Variants in H2BC13 observed in about 807,000 individuals in gnomAD.
The protein encoded by H2BC13 is histone H2B type 1-L.
H2BC13 carries 12 observed loss-of-function variants against 6.3 expected under a neutral mutation model. The observed-to-expected ratio is 1.90, with a 90% CI of 1.22 to 3.08. The LOEUF is 3.08. Ranked by LOEUF, H2BC13 falls within the 30% of genes most tolerant of loss-of-function variation. H2BC13 has a pLI of 0.00. For missense variants in H2BC13, 164 were observed against 170.4 expected, an observed-to-expected ratio of 0.96 and a Z score of 0.21; for synonymous variants, 109 against 74.3, an observed-to-expected ratio of 1.47 and a Z score of -2.40.
Position 27,807,875 on chromosome 6 carries a change from G to C in H2BC13, c.32C>G (p.Pro11Arg), listed in dbSNP as rs1760471232. 2 of 1,614,052 alleles carry C rather than the reference G, an allele frequency of 1.2e-6. No individual in the cohort carries two copies. The highest frequency in any genetic ancestry group is 2.2e-5 in the East Asian group (1 of 44,888). The change falls in exon 1 of 1, where the codon CCG (proline) becomes CGG (arginine). Residue 11 changes from proline to arginine, a missense_variant. Transcript: ENST00000377401. ...CACCGCCTTCTTGGAGCCCTTCTTCGGGGCGGGAGCAGACTTGGCCAGCTC... is the reference window on the plus strand; with the variant it reads ...CACCGCCTTCTTGGAGCCCTTCTTCCGGGCGGGAGCAGACTTGGCCAGCTC... MPELAKSAPA[P>R]KKGSKKAVTK...
In H2BC13 at chr6:27,807,489, T is replaced by C. The variant is rs1441572946; in HGVS notation, c.*37A>G. ...TTCTTTAGATAATAGTGAGTGGCTCTGAAAAGAGCCTTTGGGTTGGACAAG... is the reference window on the plus strand; with the variant it reads ...TTCTTTAGATAATAGTGAGTGGCTCCGAAAAGAGCCTTTGGGTTGGACAAG... On this transcript the variant is annotated 3_prime_UTR_variant, in exon 1 of 1. Transcript: ENST00000377401. 1 of 1,609,380 alleles carries C rather than the reference T, an allele frequency of 6.2e-7. No individual in the cohort carries two copies. Among genetic ancestry groups the C allele is most frequent in the South Asian group, 1.1e-5 (1 of 90,672 alleles).
chr6:27,807,705 T>G lies in H2BC13; in HGVS notation c.202A>C (p.Asn68His). 1 of 1,614,206 alleles carries G rather than the reference T, an allele frequency of 6.2e-7. No homozygotes were observed. Among genetic ancestry groups the G allele is most frequent in the South Asian group, 1.1e-5 (1 of 91,086 alleles). The change falls in exon 1 of 1, where the codon AAC becomes CAC. Residue 68 changes from asparagine to histidine, a missense_variant. By Grantham distance (68) the Asn-to-His change is moderately conservative (BLOSUM62 1). Coordinates refer to ENST00000377401, the MANE Select transcript of H2BC13 (RefSeq NM_003519.4). ...CTTGCGATGCGCTCGAAGATGTCGT[T>G]GACGAAGGAGTTCATGATTCCCATG... ...KAMGIMNSFV[N>H]DIFERIASEA...
In H2BC13 at chr6:27,807,602, A is replaced by C. The variant is rs781029456; in HGVS notation, c.305T>G (p.Leu102Arg). 2 of 1,614,128 alleles carry C rather than the reference A, an allele frequency of 1.2e-6. No homozygotes were observed. Among genetic ancestry groups the C allele is most frequent in the South Asian group, 1.1e-5 (1 of 91,092 alleles). ...GTGCTTGGCCAGCTCCCCCGGAAGC[A>C]GCAGGCGCACGGCGGTCTGGATCTC... ...SREIQTAVRLLLPGELAKHAV... is the reference protein window; with the variant it reads ...SREIQTAVRLRLPGELAKHAV... Residue 102 changes from leucine to arginine, a missense_variant, in exon 1 of 1, where the codon CTG becomes CGG. Leu to Arg is a moderately radical substitution (Grantham distance 102). Transcript: ENST00000377401.
In H2BC13 at chr6:27,807,639, T is replaced by C. The variant is rs1399458470; in HGVS notation, c.268A>G (p.Ile90Val). 1.9e-6 allele frequency: 3 copies of C among 1,614,086 alleles called. No homozygotes were observed. Among genetic ancestry groups the C allele is most frequent in the Non-Finnish European group, 2.5e-6 (3 of 1,180,034 alleles). The change falls in exon 1 of 1, where the codon ATC (isoleucine) becomes GTC (valine). Residue 90 changes from isoleucine to valine, a missense_variant. Transcript: ENST00000377401. Reference protein sequence around the residue: ...RLAHYNKRSTITSREIQTAVR... With the variant: ...RLAHYNKRSTVTSREIQTAVR... ...GCGGTCTGGATCTCCCTGGAGGTGA[T>C]GGTCGAGCGCTTGTTGTAGTGCGCC... is the stretch of plus-strand genomic sequence containing the variant.
At position 27,807,536 on chromosome 6, in the gene H2BC13, C is replaced by T. The variant is rs1353889444; in HGVS notation, c.371G>A (p.Ser124Asn). Residue 124 changes from serine to asparagine, a missense_variant, in exon 1 of 1, where the codon AGC becomes AAC. Physicochemically the swap from Ser to Asn is conservative, Grantham distance 46 (BLOSUM62 1). Transcript: ENST00000377401. ...CAAGAGCTTGAGAATTTACTTGGAGCTGGTGTACTTGGTGACGGCCTTGGT... is the reference window on the plus strand; with the variant it reads ...CAAGAGCTTGAGAATTTACTTGGAGTTGGTGTACTTGGTGACGGCCTTGGT... Reference protein sequence around the residue: ...EGTKAVTKYTSSK With the variant: ...EGTKAVTKYTNSK 1 of 1,614,156 alleles carries T rather than the reference C, an allele frequency of 6.2e-7. No homozygotes were observed. The highest frequency in any genetic ancestry group is 1.1e-5 in the South Asian group (1 of 91,078).
chr6:27,807,490 G>GA lies in H2BC13; in HGVS notation c.*35dup. On this transcript the variant is annotated 3_prime_UTR_variant, in exon 1 of 1. Coordinates refer to ENST00000377401, the MANE Select transcript of H2BC13 (RefSeq NM_003519.4). Reference sequence around the variant, plus strand: ...TCTTTAGATAATAGTGAGTGGCTCTGAAAAGAGCCTTTGGGTTGGACAAGA... The same window carrying GA: ...TCTTTAGATAATAGTGAGTGGCTCTGAAAAAGAGCCTTTGGGTTGGACAAGA... 1 of 1,610,488 alleles carries GA rather than the reference G, an allele frequency of 6.2e-7. No homozygotes were observed. The highest frequency in any genetic ancestry group is 8.5e-7 in the Non-Finnish European group (1 of 1,178,480).
rs780283212 is a variant in H2BC13, at chr6:27,807,789, C to G, written c.118G>C (p.Val40Leu). 2 of 1,614,246 alleles carry G rather than the reference C, an allele frequency of 1.2e-6. No homozygotes were observed. Among genetic ancestry groups the G allele is most frequent in the Non-Finnish European group, 1.7e-6 (2 of 1,180,048 alleles). ...RKRSRKESYS[V>L]YVYKVLKQVH... ...TGCTTCAGCACCTTGTACACGTACA[C>G]GGAGTAGCTCTCCTTGCGGCTGCGC... Residue 40 changes from valine (V) to leucine (L), a missense_variant, in exon 1 of 1, where the codon GTG (valine) becomes CTG (leucine). Val to Leu is a conservative substitution (Grantham distance 32). Transcript: ENST00000377401.
chr6:27,807,708 C>T lies in H2BC13; in HGVS notation c.199G>A (p.Val67Ile). The T allele has an allele frequency of 6.2e-7, 1 of 1,614,220 alleles. No individual in the cohort carries two copies. The highest frequency in any genetic ancestry group is 8.5e-7 in the Non-Finnish European group (1 of 1,180,048). ...GCGATGCGCTCGAAGATGTCGTTGACGAAGGAGTTCATGATTCCCATGGCC... is the reference window on the plus strand; with the variant it reads ...GCGATGCGCTCGAAGATGTCGTTGATGAAGGAGTTCATGATTCCCATGGCC... ...SKAMGIMNSF[V>I]NDIFERIASE... Residue 67 changes from valine (V) to isoleucine (I), a missense_variant, in exon 1 of 1, where the codon GTC (valine) becomes ATC (isoleucine). Transcript: ENST00000377401.
In H2BC13 at chr6:27,807,644, G is replaced by C. The variant is rs1313121675; in HGVS notation, c.263C>G (p.Ser88Trp). 1.2e-6 allele frequency: 2 copies of C among 1,614,236 alleles called. No individual in the cohort carries two copies. Among genetic ancestry groups the C allele is most frequent in the South Asian group, 2.2e-5 (2 of 91,090 alleles). ...ASRLAHYNKR[S>W]TITSREIQTA... The stretch of plus-strand genomic sequence containing the variant: ...CTGGATCTCCCTGGAGGTGATGGTC[G>C]AGCGCTTGTTGTAGTGCGCCAGGCG... Residue 88 changes from serine (S) to tryptophan (W), a missense_variant, in exon 1 of 1, where the codon TCG becomes TGG. Transcript: ENST00000377401.
At position 27,807,734 on chromosome 6, in the gene H2BC13, T is replaced by C. The variant is rs1194773679; in HGVS notation, c.173A>G (p.Lys58Arg). ...QVHPDTGISS[K>R]AMGIMNSFVN... ...GAAGGAGTTCATGATTCCCATGGCC[T>C]TAGAAGAGATGCCGGTGTCGGGGTG... Residue 58 changes from lysine to arginine, a missense_variant, in exon 1 of 1, where the codon AAG becomes AGG. Physicochemically the swap from Lys to Arg is conservative, Grantham distance 26 (BLOSUM62 2). Transcript: ENST00000377401. 1.2e-6 allele frequency: 2 copies of C among 1,614,244 alleles called. No individual in the cohort carries two copies. Among genetic ancestry groups the C allele is most frequent in the South Asian group, 2.2e-5 (2 of 91,084 alleles).
At position 27,807,559 on chromosome 6, in the gene H2BC13, G is replaced by A. The variant is rs1760456328; in HGVS notation, c.348C>T (p.Thr116=). The A allele has an allele frequency of 1.9e-6, 3 of 1,614,178 alleles. No homozygotes were observed. Among genetic ancestry groups the A allele is most frequent in the Non-Finnish European group, 2.5e-6 (3 of 1,180,030 alleles). The change falls in exon 1 of 1, where the codon ACC becomes ACT. Residue 116 remains threonine, a synonymous_variant. Coordinates refer to ENST00000377401, the MANE Select transcript of H2BC13 (RefSeq NM_003519.4). ...ELAKHAVSEG[T]KAVTKYTSSK ...AGCTGGTGTACTTGGTGACGGCCTT[G>A]GTGCCCTCCGACACCGCGTGCTTGG...
Position 27,807,643 on chromosome 6 carries a change from C to T in H2BC13, c.264G>A (p.Ser88=). Residue 88 remains serine, a synonymous_variant, in exon 1 of 1, where the codon TCG becomes TCA. Transcript: ENST00000377401. ...ASRLAHYNKR[S]TITSREIQTA... ...TCTGGATCTCCCTGGAGGTGATGGT[C>T]GAGCGCTTGTTGTAGTGCGCCAGGC... The T allele has an allele frequency of 1.2e-6, 2 of 1,614,194 alleles. No individual in the cohort carries two copies. The highest frequency in any genetic ancestry group is 1.7e-6 in the Non-Finnish European group (2 of 1,180,028).
chr6:27,807,690 G>C lies in H2BC13; in HGVS notation c.217C>G (p.Arg73Gly), dbSNP rs559785439. 6.2e-7 allele frequency: 1 copy of C among 1,614,216 alleles called. No individual in the cohort carries two copies. The highest frequency in any genetic ancestry group is 1.3e-5 in the African/African-American group (1 of 75,056). The part of the protein sequence containing the change: ...MNSFVNDIFE[R>G]IASEASRLAH... ...AGGCGGGAAGCCTCGCTTGCGATGC[G>C]CTCGAAGATGTCGTTGACGAAGGAG... is the stretch of plus-strand genomic sequence containing the variant. Residue 73 changes from arginine to glycine, a missense_variant, in exon 1 of 1, where the codon CGC (arginine) becomes GGC (glycine). Coordinates refer to ENST00000377401, the MANE Select transcript of H2BC13 (RefSeq NM_003519.4).
chr6:27,807,846 T>C lies in H2BC13; in HGVS notation c.61A>G (p.Lys21Glu), dbSNP rs1359052378. 2.5e-6 allele frequency: 4 copies of C among 1,614,068 alleles called. No homozygotes were observed. The highest frequency in any genetic ancestry group is 1.3e-5 in the African/African-American group (1 of 74,940). Residue 21 changes from lysine to glutamate, a missense_variant, in exon 1 of 1, where the codon AAG (lysine) becomes GAG (glutamate). By Grantham distance (56) the Lys-to-Glu change is moderately conservative (BLOSUM62 1). Transcript: ENST00000377401. ...TTCTTGCCATCCTTCTTCTGGGCCT[T>C]GGTCACCGCCTTCTTGGAGCCCTTC... is the stretch of plus-strand genomic sequence containing the variant. ...PKKGSKKAVT[K>E]AQKKDGKKRK...
In H2BC13 at chr6:27,807,818, C is replaced by G; in HGVS notation, c.89G>C (p.Arg30Pro). The G allele has an allele frequency of 1.9e-6, 3 of 1,614,250 alleles. No individual in the cohort carries two copies. The highest frequency in any genetic ancestry group is 2.5e-6 in the Non-Finnish European group (3 of 1,180,048). The stretch of plus-strand genomic sequence containing the variant: ...GTAGCTCTCCTTGCGGCTGCGCTTG[C>G]GCTTCTTGCCATCCTTCTTCTGGGC... ...TKAQKKDGKK[R>P]KRSRKESYSV... Residue 30 changes from arginine to proline, a missense_variant, in exon 1 of 1, where the codon CGC becomes CCC. Transcript: ENST00000377401.
Position 27,807,483 on chromosome 6 carries a change from T to C in H2BC13, c.*43A>G. The C allele has an allele frequency of 1.2e-6, 2 of 1,604,806 alleles. No individual in the cohort carries two copies. Among genetic ancestry groups the C allele is most frequent in the Non-Finnish European group, 1.7e-6 (2 of 1,176,110 alleles). On this transcript the variant is annotated 3_prime_UTR_variant, in exon 1 of 1. Coordinates refer to ENST00000377401, the MANE Select transcript of H2BC13 (RefSeq NM_003519.4). The stretch of plus-strand genomic sequence containing the variant: ...CAGCTCTTCTTTAGATAATAGTGAG[T>C]GGCTCTGAAAAGAGCCTTTGGGTTG...
In H2BC13 at chr6:27,807,880, G is replaced by A. The variant is rs750299249; in HGVS notation, c.27C>T (p.Pro9=). The A allele has an allele frequency of 1.9e-6, 3 of 1,614,162 alleles. No individual in the cohort carries two copies. Among genetic ancestry groups the A allele is most frequent in the East Asian group, 2.2e-5 (1 of 44,874 alleles). MPELAKSA[P]APKKGSKKAV... ...CCTTCTTGGAGCCCTTCTTCGGGGCGGGAGCAGACTTGGCCAGCTCGGGCA... is the reference window on the plus strand; with the variant it reads ...CCTTCTTGGAGCCCTTCTTCGGGGCAGGAGCAGACTTGGCCAGCTCGGGCA... Residue 9 remains proline (P), a synonymous_variant, in exon 1 of 1, where the codon CCC becomes CCT. Coordinates refer to ENST00000377401, the MANE Select transcript of H2BC13 (RefSeq NM_003519.4).
rs1760460499 is a variant in H2BC13 at position 27,807,641 on chromosome 6, G to A, written c.266C>T (p.Thr89Ile). Residue 89 changes from threonine (T) to isoleucine (I), a missense_variant, in exon 1 of 1, where the codon ACC becomes ATC. Physicochemically the swap from Thr to Ile is moderately conservative, Grantham distance 89 (BLOSUM62 -1). Coordinates refer to ENST00000377401, the MANE Select transcript of H2BC13 (RefSeq NM_003519.4). Reference sequence around the variant, plus strand: ...GGTCTGGATCTCCCTGGAGGTGATGGTCGAGCGCTTGTTGTAGTGCGCCAG... The same window carrying A: ...GGTCTGGATCTCCCTGGAGGTGATGATCGAGCGCTTGTTGTAGTGCGCCAG... The part of the protein sequence containing the change: ...SRLAHYNKRS[T>I]ITSREIQTAV... 1.2e-6 allele frequency: 2 copies of A among 1,614,096 alleles called. No homozygotes were observed. Among genetic ancestry groups the A allele is most frequent in the East Asian group, 2.2e-5 (1 of 44,892 alleles).
chr6:27,807,700 G>A lies in H2BC13; in HGVS notation c.207C>T (p.Asp69=). The A allele has an allele frequency of 2.5e-6, 4 of 1,614,256 alleles. No individual in the cohort carries two copies. Among genetic ancestry groups the A allele is most frequent in the Non-Finnish European group, 3.4e-6 (4 of 1,180,046 alleles). Residue 69 remains aspartate (D), a synonymous_variant, in exon 1 of 1, where the codon GAC becomes GAT. Coordinates refer to ENST00000377401, the MANE Select transcript of H2BC13 (RefSeq NM_003519.4). ...CCTCGCTTGCGATGCGCTCGAAGAT[G>A]TCGTTGACGAAGGAGTTCATGATTC... is the stretch of plus-strand genomic sequence containing the variant. ...AMGIMNSFVN[D]IFERIASEAS...
Sources: allele counts gnomAD v4.1 joint callset, GRCh38; gene constraint gnomAD v4.1.1; transcripts MANE v1.5; gene names NCBI Gene and HGNC (gene_info 2026-07-23, HGNC 2026-07-21).